The following KCNQ1 variants were observed in gnomAD, a reference collection of about 807,000 sequenced individuals.
KCNQ1 encodes the protein potassium voltage-gated channel subfamily Q member 1, also known as potassium voltage-gated channel subfamily KQT member 1.
A neutral mutation model predicts 72.4 loss-of-function variants in KCNQ1; 49 were observed. That is an observed-to-expected ratio of 0.68 (90% CI 0.54 to 0.86). The LOEUF is 0.86. Among genes scored for constraint, KCNQ1 ranks in the 40% least tolerant of loss-of-function variants. The pLI is 0.00. For missense variants in KCNQ1, 790 were observed against 945.1 expected, an observed-to-expected ratio of 0.84 and a Z score of 2.15; for synonymous variants, 450 against 412.6, an observed-to-expected ratio of 1.09 and a Z score of -1.10.
intron 1 of KCNQ1, among the ~76,000 whole-genome samples, chr11:2,501,002 C>T (rs1847001419): frequency 6.6e-6 from 1 of 152,020 alleles, no homozygotes; most frequent in South Asian, 2.1e-4. Context: ...TGCACATGTA[C>T]CCCAGAACTT....
At chr11:2,529,270 G>A (rs780265476) in intron 2 of KCNQ1, among the ~76,000 whole-genome samples, 6 of 152,152 alleles carry the variant, frequency 3.9e-5, no homozygotes, top group Admixed American at 1.3e-4. Context: ...TGGTGGTCCC[G>A]GTACTAAAAT....
chr11:2,572,896 G>A lies in KCNQ1; in HGVS notation c.831G>A (p.Ser277=), dbSNP rs761225039. 5.0e-6 allele frequency: 8 copies of A among 1,613,808 alleles called. No individual in the cohort carries two copies. The highest frequency in any genetic ancestry group is 5.9e-6 in the Non-Finnish European group (7 of 1,180,026). The change falls in exon 6 of 16, where the codon TCG becomes TCA. Residue 277 remains serine (S), a synonymous_variant. Coordinates refer to ENST00000155840, the MANE Select transcript of KCNQ1 (RefSeq NM_000218.3). ...YIGFLGLIFS[S]YFVYLAEKDA... Reference sequence around the variant, plus strand: ...GCTTCCTGGGCCTCATCTTCTCCTCGTACTTTGTGTACCTGGCTGAGAAGG... The same window carrying A: ...GCTTCCTGGGCCTCATCTTCTCCTCATACTTTGTGTACCTGGCTGAGAAGG...
chr11:2,594,267 T>G (rs768779042), intron 10 of KCNQ1, among the ~76,000 whole-genome samples: 1 of 152,328 alleles, frequency 6.6e-6, no homozygotes, highest in Non-Finnish European at 1.5e-5. Flanking sequence ...CACTGCAGTC[T>G]CCTGGCTTCT....
rs1846939895 is a variant in KCNQ1 at position 2,497,351 on chromosome 11, G to T, written c.387-30577G>T. On this transcript the variant is annotated intron_variant, in intron 1 of 15. Transcript: ENST00000155840. This position sits in a 1 kb window ranked among gnomAD's most constrained non-coding sequence, Gnocchi z 4.5. ...TCATATAGTCCCATATTTCTTGGAG[G>T]TTTTGTTCGTTCTTTTTCATCATTT... Among the ~76,000 whole-genome samples, 1 of 152,050 alleles carries T rather than the reference G, an allele frequency of 6.6e-6. No individual in the cohort carries two copies. Among genetic ancestry groups the T allele is most frequent in the Non-Finnish European group, 1.5e-5 (1 of 68,008 alleles).
rs531577124 is a variant in KCNQ1, at chr11:2,784,873, A to G, written c.1794+6836A>G. Among the ~76,000 whole-genome samples the G allele has an allele frequency of 6.2e-4, 95 of 152,034 alleles. No individual in the cohort carries two copies. Among genetic ancestry groups the G allele is most frequent in the Non-Finnish European group, 1.1e-3 (73 of 67,840 alleles). On this transcript the variant is annotated intron_variant, in intron 15 of 15. Coordinates refer to ENST00000155840, the MANE Select transcript of KCNQ1 (RefSeq NM_000218.3). The surrounding 1 kb of genome is among the most constrained non-coding windows in gnomAD (Gnocchi z 4.7). Reference sequence around the variant, plus strand: ...GAAGTAACATTAAATTTTTATATCAATCTTGTAAACTGACTTTTCTATTCT... The same window carrying G: ...GAAGTAACATTAAATTTTTATATCAGTCTTGTAAACTGACTTTTCTATTCT...
rs2133874606 is a variant in KCNQ1, at chr11:2,676,135, G to A, written c.1514+14054G>A. ...AGATACGGCTCCTTTTTATACAAAT[G>A]GTAGCATACTGTATGTATTTTTCTA... On this transcript the variant is annotated intron_variant, in intron 11 of 15. Transcript: ENST00000155840. This position sits in a 1 kb window ranked among gnomAD's most constrained non-coding sequence, Gnocchi z 4.2. 2.5e-6 allele frequency: 1 copy of A among 398,582 alleles called. No homozygotes were observed. Among genetic ancestry groups the A allele is most frequent in the East Asian group, 3.6e-5 (1 of 28,080 alleles). 24.7% of individuals were successfully genotyped at this position (398,582 alleles called of 1,614,324 possible).
rs1846869167 is a variant in KCNQ1, at chr11:2,493,667, G to T, written c.387-34261G>T. Among the ~76,000 whole-genome samples the T allele has an allele frequency of 6.6e-6, 1 of 152,100 alleles. No individual in the cohort carries two copies. The highest frequency in any genetic ancestry group is 1.5e-5 in the Non-Finnish European group (1 of 68,024). On this transcript the variant is annotated intron_variant, in intron 1 of 15. Coordinates refer to ENST00000155840, the MANE Select transcript of KCNQ1 (RefSeq NM_000218.3). This position sits in a 1 kb window ranked among gnomAD's most constrained non-coding sequence, Gnocchi z 5.3. Reference sequence around the variant, plus strand: ...AAGATCAGATGATTTTAGGTGAGTGGTGTTATTTCTGAGGTCTCTGTTCTG... The same window carrying T: ...AAGATCAGATGATTTTAGGTGAGTGTTGTTATTTCTGAGGTCTCTGTTCTG...
intron 11 of KCNQ1, among the ~76,000 whole-genome samples, chr11:2,744,058 C>G (rs770558914): frequency 1.6e-4 from 25 of 152,240 alleles, no homozygotes; most frequent in Non-Finnish European, 3.1e-4. Flanking sequence ...CTTGGGACAT[C>G]ATCAGCCCAT....
rs3831584 is a variant in KCNQ1, at chr11:2,682,475, CGAGT to C, written c.1514+20423_1514+20426del. On this transcript the variant is annotated intron_variant, in intron 11 of 15. Coordinates refer to ENST00000155840, the MANE Select transcript of KCNQ1 (RefSeq NM_000218.3). The surrounding 1 kb of genome is among the most constrained non-coding windows in gnomAD (Gnocchi z 5.8). ...TCACGGACCCTCAGTGAATGTTTGACGAGTGAGTGAGTGAGTGAGTGAGTGAGTG... is the reference window on the plus strand; with the variant it reads ...TCACGGACCCTCAGTGAATGTTTGACGAGTGAGTGAGTGAGTGAGTGAGTG... The C allele has an allele frequency of 2.5e-3, 966 of 393,812 alleles. 1 individual carries two copies. The highest frequency in any genetic ancestry group is 6.4e-3 in the African/African-American group (308 of 47,822). The allele number at this position is 393,812 out of a possible 1,614,324, so 24.4% of individuals were successfully genotyped here.
rs1192740007 is a variant in KCNQ1, at chr11:2,468,750, C to G, written c.386+23266C>G. ...GCTGTGTGTCTGTTGTGTGTGTCGG[C>G]CTGTTGTTTGGGTAGAGCCTACTTT... On this transcript the variant is annotated intron_variant, in intron 1 of 15. Transcript: ENST00000155840. This position sits in a 1 kb window ranked among gnomAD's most constrained non-coding sequence, Gnocchi z 5.7. Among the ~76,000 whole-genome samples, 1 of 152,162 alleles carries G rather than the reference C, an allele frequency of 6.6e-6. No individual in the cohort carries two copies. The highest frequency in any genetic ancestry group is 2.4e-5 in the African/African-American group (1 of 41,442).
In KCNQ1 at chr11:2,781,486, G is replaced by C. The variant is rs879068764; in HGVS notation, c.1794+3449G>C. Among the ~76,000 whole-genome samples the C allele has an allele frequency of 6.6e-6, 1 of 152,328 alleles. No individual in the cohort carries two copies. Among genetic ancestry groups the C allele is most frequent in the Admixed American group, 6.5e-5 (1 of 15,310 alleles). Reference sequence around the variant, plus strand: ...GGGCCAGGGACCAATGCAGGCGGTCGGGAGAGGTCCGGAGAGAGCTGGCCC... The same window carrying C: ...GGGCCAGGGACCAATGCAGGCGGTCCGGAGAGGTCCGGAGAGAGCTGGCCC... On this transcript the variant is annotated intron_variant, in intron 15 of 15. Coordinates refer to ENST00000155840, the MANE Select transcript of KCNQ1 (RefSeq NM_000218.3). The surrounding 1 kb of genome is among the most constrained non-coding windows in gnomAD (Gnocchi z 6.6).
Position 2,658,398 on chromosome 11 carries a change from T to C in KCNQ1, c.1394-3563T>C, listed in dbSNP as rs996813877. ...TTTTGAGTTATAGTCCAATATTATTTATTTTGTTGCTCAAATTGTTCAAGC... is the reference window on the plus strand; with the variant it reads ...TTTTGAGTTATAGTCCAATATTATTCATTTTGTTGCTCAAATTGTTCAAGC... On this transcript the variant is annotated intron_variant, in intron 10 of 15. Coordinates refer to ENST00000155840, the MANE Select transcript of KCNQ1 (RefSeq NM_000218.3). This position sits in a 1 kb window ranked among gnomAD's most constrained non-coding sequence, Gnocchi z 4.9. 2.5e-6 allele frequency: 1 copy of C among 398,632 alleles called. No homozygotes were observed. Among genetic ancestry groups the C allele is most frequent in the Middle Eastern group, 6.3e-4 (1 of 1,588 alleles). 24.7% of individuals were successfully genotyped at this position (398,632 alleles called of 1,614,324 possible). A position where few individuals can be genotyped will look rare whatever the true frequency, so the allele number is the denominator to read the frequency against.
At chr11:2,640,561 C>G in intron 10 of KCNQ1, 1 of 294,648 alleles carries the variant, frequency 3.4e-6, no homozygotes, top group Admixed American at 9.1e-5. Context: ...ACTGGGATTT[C>G]CTTTTTTTTT....
At position 2,468,670 on chromosome 11, in the gene KCNQ1, C is replaced by G. The variant is rs1416839897; in HGVS notation, c.386+23186C>G. 6.6e-6 allele frequency among the ~76,000 whole-genome samples: 1 copy of G among 152,188 alleles called. No individual in the cohort carries two copies. The highest frequency in any genetic ancestry group is 2.4e-5 in the African/African-American group (1 of 41,432). The stretch of plus-strand genomic sequence containing the variant: ...TTGTGGAATTTTATTTGGATGGACT[C>G]TGGCAGCCAACGCTGGTTTCGTCTG... On this transcript the variant is annotated intron_variant, in intron 1 of 15. Coordinates refer to ENST00000155840, the MANE Select transcript of KCNQ1 (RefSeq NM_000218.3). The surrounding 1 kb of genome is among the most constrained non-coding windows in gnomAD (Gnocchi z 5.7).
At chr11:2,729,650 C>T (rs1845819836) in intron 11 of KCNQ1, among the ~76,000 whole-genome samples, 2 of 152,192 alleles carry the variant, frequency 1.3e-5, no homozygotes, top group African/African-American at 4.8e-5. Context: ...GGTCACGCAG[C>T]ATTTGTGTTG....
chr11:2,660,940 C>T lies in KCNQ1; in HGVS notation c.1394-1021C>T, dbSNP rs566545839. On this transcript the variant is annotated intron_variant, in intron 10 of 15. Coordinates refer to ENST00000155840, the MANE Select transcript of KCNQ1 (RefSeq NM_000218.3). ...TAAGAGCCTGAATGTCCATGATATA[C>T]AGAATGGTTAGCTGTGGCCAATCTA... 3.9e-4 allele frequency: 155 copies of T among 398,610 alleles called. 2 individuals are homozygous for T. Among genetic ancestry groups the T allele is most frequent in the South Asian group, 1.1e-3 (9 of 7,854 alleles). The allele number at this position is 398,610 out of a possible 1,614,324, so 24.7% of individuals were successfully genotyped here. A position where few individuals can be genotyped will look rare whatever the true frequency, so the allele number is the denominator to read the frequency against.
intron 15 of KCNQ1, among the ~76,000 whole-genome samples, chr11:2,843,347 C>G (rs1027373626): frequency 6.6e-6 from 1 of 152,218 alleles, no homozygotes; most frequent in Admixed American, 6.5e-5. Flanking sequence ...TTCTAGGTAC[C>G]GCCCTGAGAG....
rs980050198 is a variant in KCNQ1, at chr11:2,541,291, G to A, written c.477+13273G>A. Among the ~76,000 whole-genome samples, 6 of 152,256 alleles carry A rather than the reference G, an allele frequency of 3.9e-5. No individual in the cohort carries two copies. Among genetic ancestry groups the A allele is most frequent in the Admixed American group, 3.9e-4 (6 of 15,294 alleles). On this transcript the variant is annotated intron_variant, in intron 2 of 15. Coordinates refer to ENST00000155840, the MANE Select transcript of KCNQ1 (RefSeq NM_000218.3). The surrounding 1 kb of genome is among the most constrained non-coding windows in gnomAD (Gnocchi z 4.8). Reference sequence around the variant, plus strand: ...CGGGGTGATGATCTGGTCAGTTTCCGAGCACCATGTGCTGAGAATGATGCG... The same window carrying A: ...CGGGGTGATGATCTGGTCAGTTTCCAAGCACCATGTGCTGAGAATGATGCG...
chr11:2,667,673 G>A (rs1367333015), intron 11 of KCNQ1: 5 of 398,580 alleles, frequency 1.3e-5, no homozygotes, highest in African/African-American at 8.2e-5. Context: ...AGAGCCTCTG[G>A]AGGCTGAAGC....
Sources: allele counts gnomAD v4.1 joint callset (sites outside exome capture counted in the v4.1 genomes callset), GRCh38; gene constraint gnomAD v4.1.1; non-coding constraint Gnocchi (gnomAD v3.1); transcripts MANE v1.5; gene names NCBI Gene and HGNC (gene_info 2026-07-23, HGNC 2026-07-21).